The following TNFSF8 variants were observed in gnomAD, a reference collection of about 807,000 sequenced individuals.
The protein encoded by TNFSF8 is tumor necrosis factor ligand superfamily member 8.
In TNFSF8, 4 loss-of-function variants were observed where a neutral mutation model predicts 22.0. The observed-to-expected ratio is 0.18, with a 90% CI of 0.09 to 0.42. TNFSF8 has a LOEUF of 0.42. Among genes scored for constraint, TNFSF8 ranks in the 10% least tolerant of loss-of-function variants. The probability of loss-of-function intolerance (pLI) is 1.00; values close to 1 mark genes in which losing one functional copy is unlikely to be tolerated. For synonymous variants in TNFSF8, 106 were observed against 112.5 expected, an observed-to-expected ratio of 0.94 and a Z score of 0.37; for missense variants, 233 against 281.8, an observed-to-expected ratio of 0.83 and a Z score of 1.24.
chr9:114,894,032 G>C (rs1827631545), exon 5 of TNFSF8: 2 of 1,460,468 alleles, frequency 1.4e-6, no homozygotes, highest in African/African-American at 2.8e-5. Flanking sequence ...CAGTGACAGT[G>C]ACCCAGGGTA....
rs148690846 is a variant in TNFSF8 at position 114,905,093 on chromosome 9, T to G, written c.310+735A>C. On this transcript the variant is annotated intron_variant, in intron 3 of 3. Transcript: ENST00000223795. ...AGTCCTAACACGTGAAAATTAGCAC[T>G]GACTGGTAAGGGTGACTTTCAGGGC... 8.5e-4 allele frequency among the ~76,000 whole-genome samples: 130 copies of G among 152,370 alleles called. 1 individual carries two copies. The Middle Eastern group carries it at 0.014, about 16-fold the overall frequency.
intron 1 of TNFSF8, among the ~76,000 whole-genome samples, chr9:114,927,161 C>G (rs1828074091): frequency 6.7e-6 from 1 of 148,724 alleles, no homozygotes; most frequent in Non-Finnish European, 1.5e-5. Flanking sequence ...AATATGCTGG[C>G]TTAAATGTAA....
rs749855945 is a variant in TNFSF8 at position 114,904,219 on chromosome 9, G to A, written c.417C>T (p.Tyr139=). Residue 139 remains tyrosine (Y), a synonymous_variant, in exon 4 of 4, where the codon TAC becomes TAT. Coordinates refer to ENST00000223795, the MANE Select transcript of TNFSF8 (RefSeq NM_001244.4). The stretch of plus-strand genomic sequence containing the variant: ...GAAACTGCAGTTGGCAAATGATGAA[G>A]TACAAACCAGGGAATTGGATCACCA... ...GNLVIQFPGL[Y]FIICQLQFLV... 1.2e-6 allele frequency: 2 copies of A among 1,614,140 alleles called. No individual in the cohort carries two copies. Among genetic ancestry groups the A allele is most frequent in the Non-Finnish European group, 1.7e-6 (2 of 1,179,992 alleles).
intron 2 of TNFSF8, among the ~76,000 whole-genome samples, chr9:114,913,222 C>G (rs190198709): frequency 6.6e-6 from 1 of 152,296 alleles, no homozygotes; most frequent in African/African-American, 2.4e-5. Context: ...CACACGAGGT[C>G]TATCCACTGT....
intron 2 of TNFSF8, among the ~76,000 whole-genome samples, chr9:114,914,896 T>C (rs565420425): frequency 6.6e-6 from 1 of 152,254 alleles, no homozygotes; most frequent in South Asian, 2.1e-4. Flanking sequence ...GGGTTTGATT[T>C]TTGGTGTTTC....
At chr9:114,924,031 C>A (rs934201662) in intron 1 of TNFSF8, among the ~76,000 whole-genome samples, 7 of 152,158 alleles carry the variant, frequency 4.6e-5, no homozygotes, top group African/African-American at 1.7e-4. Context: ...AATACTAAGA[C>A]AAATCCAGGC....
At chr9:114,900,775 A>G (rs1442427507), downstream of TNFSF8, among the ~76,000 whole-genome samples, 1 of 152,180 alleles carries the variant, frequency 6.6e-6, no homozygotes, top group Non-Finnish European at 1.5e-5. Context: ...TGAGGTCAGG[A>G]GTTCGAGATC....
chr9:114,920,671 G>A (rs1489527334), intron 1 of TNFSF8, among the ~76,000 whole-genome samples: 1 of 151,996 alleles, frequency 6.6e-6, no homozygotes, highest in Non-Finnish European at 1.5e-5. Flanking sequence ...TTAACATTCT[G>A]CATTTTTTTC....
At chr9:114,912,041 G>T (rs528452263) in intron 2 of TNFSF8, among the ~76,000 whole-genome samples, 2 of 152,176 alleles carry the variant, frequency 1.3e-5, no homozygotes, top group African/African-American at 2.4e-5. Context: ...TAGAAAGTTC[G>T]TTTTGGGTTC....
chr9:114,895,284 T>G (rs912127481), intron 4 of TNFSF8, among the ~76,000 whole-genome samples: 1 of 152,232 alleles, frequency 6.6e-6, no homozygotes. Context: ...TCTTGTCTTC[T>G]AAGTGCTCAT....
chr9:114,899,701 T>A (rs982913903), downstream of TNFSF8, among the ~76,000 whole-genome samples: 1 of 152,156 alleles, frequency 6.6e-6, no homozygotes, highest in African/African-American at 2.4e-5. Context: ...CCATGTTGGA[T>A]TGTAAACTGA....
At chr9:114,910,722 T>C (rs758449815) in intron 2 of TNFSF8, among the ~76,000 whole-genome samples, 4 of 152,162 alleles carry the variant, frequency 2.6e-5, no homozygotes, top group Non-Finnish European at 4.4e-5. Flanking sequence ...CACATAAAGA[T>C]GCAAATATGC....
At chr9:114,924,995 T>C (rs1348098339) in intron 1 of TNFSF8, among the ~76,000 whole-genome samples, 3 of 152,166 alleles carry the variant, frequency 2.0e-5, no homozygotes, top group Admixed American at 6.5e-5. Flanking sequence ...GGAAGTGTCA[T>C]GGGGCATTCC....
At chr9:114,906,628 C>T (rs931465016) in intron 2 of TNFSF8, among the ~76,000 whole-genome samples, 1 of 152,162 alleles carries the variant, frequency 6.6e-6, no homozygotes, top group African/African-American at 2.4e-5. Flanking sequence ...TAAGAGGACA[C>T]AGGGTTAAAG....
intron 2 of TNFSF8, among the ~76,000 whole-genome samples, chr9:114,907,645 C>T (rs1827800572): frequency 6.6e-6 from 1 of 152,142 alleles, no homozygotes; most frequent in Non-Finnish European, 1.5e-5. Context: ...CCTCACCTTC[C>T]CTCCTCCCCT....
chr9:114,904,773 T>C (rs955011207), intron 3 of TNFSF8, among the ~76,000 whole-genome samples: 3 of 152,230 alleles, frequency 2.0e-5, no homozygotes, highest in African/African-American at 7.2e-5. Flanking sequence ...TTGAGTTTGA[T>C]AGGCATTGCA....
intron 2 of TNFSF8, among the ~76,000 whole-genome samples, chr9:114,912,318 G>C (rs1827861872): frequency 4.6e-5 from 7 of 152,210 alleles, no homozygotes; most frequent in Admixed American, 4.6e-4. Flanking sequence ...TGCTTGAAAT[G>C]TAGAAACTTA....
chr9:114,907,269 T>C (rs1827796345), intron 2 of TNFSF8, among the ~76,000 whole-genome samples: 1 of 152,068 alleles, frequency 6.6e-6, no homozygotes, highest in Non-Finnish European at 1.5e-5. Flanking sequence ...GGTCCAAAGC[T>C]CTCTTGGTGG....
At chr9:114,918,823 A>T (rs569608161) in intron 1 of TNFSF8, among the ~76,000 whole-genome samples, 3 of 151,906 alleles carry the variant, frequency 2.0e-5, no homozygotes, top group Non-Finnish European at 2.9e-5. Context: ...TTGGTCTCGA[A>T]CTCCTGACCT....
Sources: gnomAD v4.1 joint callset for allele counts (sites outside exome capture counted in the v4.1 genomes callset) on GRCh38, gnomAD v4.1.1 for gene constraint, MANE v1.5 for transcripts, NCBI Gene and HGNC (gene_info 2026-07-23, HGNC 2026-07-21) for gene names.